The following CCDC148 variants were observed in gnomAD, a reference collection of about 807,000 sequenced individuals.
CCDC148 encodes the protein coiled-coil domain-containing protein 148.
Under a neutral mutation model 85.7 loss-of-function variants are expected in CCDC148, and 89 were observed. The observed-to-expected ratio is 1.04, with a 90% CI of 0.87 to 1.24. CCDC148 has a LOEUF of 1.24. Among genes scored for constraint, CCDC148 ranks in the 50% most tolerant of loss-of-function variants. The pLI is 0.00. For synonymous variants in CCDC148, 230 were observed against 213.9 expected (o/e 1.08, Z -0.66); for missense variants, 692 against 671.7 (o/e 1.03, Z -0.33).
At chr2:158,183,913 C>T (rs1685028538) in intron 11 of CCDC148, among the ~76,000 whole-genome samples, 1 of 152,094 alleles carries the variant, frequency 6.6e-6, no homozygotes, top group Non-Finnish European at 1.5e-5. Context: ...AGAGGGGACC[C>T]CTTCATTAAC....
intron 1 of CCDC148, among the ~76,000 whole-genome samples, chr2:158,411,109 CG>C (rs1686239924): frequency 6.6e-6 from 1 of 152,050 alleles, no homozygotes; most frequent in African/African-American, 2.4e-5. Flanking sequence ...TTTCTGTTTG[CG>C]TTCAAAATTG....
At chr2:158,440,243 G>A (rs2105341853) in intron 1 of CCDC148, among the ~76,000 whole-genome samples, 1 of 152,154 alleles carries the variant, frequency 6.6e-6, no homozygotes, top group East Asian at 1.9e-4. Context: ...TTGCTGTCAG[G>A]AGTGTAAAAT....
chr2:158,419,527 T>C (rs1686668222), intron 1 of CCDC148, among the ~76,000 whole-genome samples: 1 of 152,166 alleles, frequency 6.6e-6, no homozygotes, highest in Non-Finnish European at 1.5e-5. Context: ...CTTTGAACAA[T>C]TTGCTTAATT....
At chr2:158,223,405 C>G (rs982082657) in intron 10 of CCDC148, among the ~76,000 whole-genome samples, 4 of 152,160 alleles carry the variant, frequency 2.6e-5, no homozygotes, top group Non-Finnish European at 4.4e-5. Context: ...CAGGGCATTG[C>G]CAAACAAAAG....
chr2:158,330,975 G>A (rs1031046386), intron 7 of CCDC148, among the ~76,000 whole-genome samples: 2 of 151,938 alleles, frequency 1.3e-5, no homozygotes, highest in African/African-American at 2.4e-5. Context: ...TGGATTCATT[G>A]ATTTTTTGAA....
intron 9 of CCDC148, among the ~76,000 whole-genome samples, chr2:158,262,219 G>C (rs1689261677): frequency 6.6e-6 from 1 of 151,992 alleles, no homozygotes; most frequent in Non-Finnish European, 1.5e-5. Context: ...CAGAAACATG[G>C]ATGGAGCTGG....
chr2:158,214,938 TCAA>T (rs1386385497), intron 11 of CCDC148, among the ~76,000 whole-genome samples: 1 of 152,036 alleles, frequency 6.6e-6, no homozygotes. Context: ...ACAAAAAAAA[TCAA>T]CAACATTTCT....
chr2:158,203,691 A>G (rs571761692), intron 11 of CCDC148, among the ~76,000 whole-genome samples: 1 of 152,338 alleles, frequency 6.6e-6, no homozygotes, highest in South Asian at 2.1e-4. Context: ...TAAAAAATAA[A>G]GGAATTAAAA....
At chr2:158,434,908 G>A (rs977155044) in intron 1 of CCDC148, among the ~76,000 whole-genome samples, 6 of 152,186 alleles carry the variant, frequency 3.9e-5, no homozygotes, top group Non-Finnish European at 8.8e-5. Flanking sequence ...GAAATGAAGC[G>A]AGAAGAGAAG....
At chr2:158,403,985 G>A (rs1456811977) in intron 1 of CCDC148, among the ~76,000 whole-genome samples, 1 of 152,084 alleles carries the variant, frequency 6.6e-6, no homozygotes, top group Non-Finnish European at 1.5e-5. Flanking sequence ...TTGACTTTGG[G>A]TAAATTACTT....
chr2:158,181,109 A>T (rs1684880457), intron 11 of CCDC148, among the ~76,000 whole-genome samples: 3 of 152,156 alleles, frequency 2.0e-5, no homozygotes, highest in Non-Finnish European at 4.4e-5. Flanking sequence ...CAATTAAAAA[A>T]TACCCTGGGA....
chr2:158,201,718 T>C (rs1685972646), intron 11 of CCDC148, among the ~76,000 whole-genome samples: 4 of 152,150 alleles, frequency 2.6e-5, no homozygotes, highest in Admixed American at 2.6e-4. Context: ...GGCCCAGAGT[T>C]TTCAAAAGTT....
chr2:158,374,903 T>A (rs887657881), intron 1 of CCDC148, among the ~76,000 whole-genome samples: 1 of 123,982 alleles, frequency 8.1e-6, no homozygotes, highest in African/African-American at 2.7e-5. Flanking sequence ...ATGCTTTAAA[T>A]CATCTCTAAC....
At chr2:158,412,758 C>T (rs1361075322) in intron 1 of CCDC148, among the ~76,000 whole-genome samples, 1 of 151,268 alleles carries the variant, frequency 6.6e-6, no homozygotes, top group African/African-American at 2.4e-5. Flanking sequence ...TTGTGAAATT[C>T]TGCATAATAC....
At chr2:158,223,897 C>G (rs1339964008) in intron 10 of CCDC148, among the ~76,000 whole-genome samples, 1 of 152,190 alleles carries the variant, frequency 6.6e-6, no homozygotes, top group African/African-American at 2.4e-5. Context: ...ACTGGAAACT[C>G]TAAAAATCAG....
At chr2:158,422,733 G>A (rs563546661) in intron 1 of CCDC148, among the ~76,000 whole-genome samples, 85 of 152,248 alleles carry the variant, frequency 5.6e-4, no homozygotes, top group Middle Eastern at 3.4e-3. Flanking sequence ...GTTCTGGCCC[G>A]AGCAATCAGG....
intron 11 of CCDC148, among the ~76,000 whole-genome samples, chr2:158,195,753 A>T (rs570379755): frequency 1.1e-4 from 17 of 152,264 alleles, no homozygotes; most frequent in African/African-American, 4.1e-4. Flanking sequence ...TCACCTCCAC[A>T]TTCAGCTCCT....
intron 3 of CCDC148, among the ~76,000 whole-genome samples, chr2:158,341,029 T>G (rs1401489380): frequency 3.9e-5 from 6 of 152,082 alleles, no homozygotes; most frequent in African/African-American, 1.4e-4. Context: ...GAAGGAGATG[T>G]GAGCAATAGA....
chr2:158,261,996 C>T (rs1574500086), intron 9 of CCDC148, among the ~76,000 whole-genome samples: 1 of 152,016 alleles, frequency 6.6e-6, no homozygotes, highest in East Asian at 1.9e-4. Context: ...CCATTTGACC[C>T]AGCAATCCCA....
Sources: allele counts gnomAD v4.1 joint callset (sites outside exome capture counted in the v4.1 genomes callset), GRCh38; gene constraint gnomAD v4.1.1; transcripts MANE v1.5; gene names NCBI Gene and HGNC (gene_info 2026-07-23, HGNC 2026-07-21).